MYLK: variants seen among roughly 807,000 people sequenced by gnomAD.
The protein encoded by MYLK is myosin light chain kinase.
A neutral mutation model predicts 203.4 loss-of-function variants in MYLK; 106 were observed. The observed-to-expected ratio is 0.52, with a 90% CI of 0.45 to 0.61. The LOEUF (loss-of-function observed/expected upper bound fraction) is 0.61, where lower values mean the gene tolerates loss of function less well. MYLK is among the 20% of genes least tolerant of loss of function. The pLI, the probability that MYLK is intolerant of heterozygous loss-of-function variation, is 0.00. For synonymous variants in MYLK, 867 were observed against 959.5 expected (o/e 0.90, Z 1.78); for missense variants, 2,072 against 2,442.3 (o/e 0.85, Z 3.20).
At chr3:123,649,322 G>T in intron 24 of MYLK, 128 bp from the exon 25 acceptor site, 1 of 1,213,954 alleles carries the variant, frequency 8.2e-7, no homozygotes. Flanking sequence ...CAGGTCCAGA[G>T]CTCTGGGCAT....
chr3:123,819,385 G>A (rs1380102704), intron 3 of MYLK, among the ~76,000 whole-genome samples: 1 of 152,128 alleles, frequency 6.6e-6, no homozygotes, highest in African/African-American at 2.4e-5. Context: ...GTCAACCTGT[G>A]GGGGTTGGAG....
chr3:123,721,481 C>T (rs1400416896), intron 13 of MYLK, among the ~76,000 whole-genome samples: 7 of 152,328 alleles, frequency 4.6e-5, no homozygotes, highest in East Asian at 3.9e-4. Context: ...CTGCAGTTCC[C>T]GGGGACTAAG....
chr3:123,650,242 C>A (rs2059162801), intron 24 of MYLK, among the ~76,000 whole-genome samples: 1 of 152,236 alleles, frequency 6.6e-6, no homozygotes, highest in Admixed American at 6.5e-5. Flanking sequence ...ATGTCTCTGG[C>A]CCTGGCTAGC....
intron 2 of MYLK, among the ~76,000 whole-genome samples, chr3:123,861,378 T>G (rs2031903997): frequency 6.6e-6 from 1 of 152,240 alleles, no homozygotes; most frequent in African/African-American, 2.4e-5. Context: ...ATCCCTCATC[T>G]TAAATACAGA....
intron 3 of MYLK, among the ~76,000 whole-genome samples, chr3:123,794,730 A>C (rs947051760): frequency 3.3e-5 from 5 of 152,056 alleles, no homozygotes; most frequent in African/African-American, 7.2e-5. Flanking sequence ...GCGATCGTCA[A>C]CTCTTTTGTG....
intron 5 of MYLK, among the ~76,000 whole-genome samples, chr3:123,742,000 C>A (rs1324817544): frequency 1.3e-5 from 2 of 152,192 alleles, no homozygotes; most frequent in African/African-American, 4.8e-5. Flanking sequence ...TAGTATCTGA[C>A]ACAAGGTCCC....
intron 27 of MYLK, among the ~76,000 whole-genome samples, chr3:123,641,951 C>A (rs2058852811): frequency 6.6e-6 from 1 of 151,802 alleles, no homozygotes; most frequent in Non-Finnish European, 1.5e-5. Flanking sequence ...AACTCCTGGG[C>A]TCAAGCGATC....
chr3:123,861,061 C>A (rs1236580975), intron 2 of MYLK, among the ~76,000 whole-genome samples: 1 of 150,730 alleles, frequency 6.6e-6, no homozygotes. Context: ...ACCCGGGAGG[C>A]GGAGCCTGCA....
rs892483732 is a variant in MYLK at position 123,752,666 on chromosome 3, T to C, written c.166-128A>G. ...TCATAACGCCCCCATTTCATCCTCA[T>C]TTTACAGATAAGGAAATCAAGGTAC... is the stretch of plus-strand genomic sequence containing the variant. On this transcript the variant is annotated intron_variant, in intron 4 of 33. Transcript: ENST00000360304. 2.2e-5 allele frequency: 21 copies of C among 970,152 alleles called. No homozygotes were observed. The African/African-American group carries it at 3.4e-4, about 16-fold the overall frequency. The allele number at this position is 970,152 out of a possible 1,614,324, so 60.1% of individuals were successfully genotyped here. A position where few individuals can be genotyped will look rare whatever the true frequency, so the allele number is the denominator to read the frequency against.
intron 23 of MYLK, among the ~76,000 whole-genome samples, chr3:123,662,995 C>A (rs141519787): frequency 1.3e-5 from 2 of 152,266 alleles, no homozygotes; most frequent in Non-Finnish European, 2.9e-5. Context: ...GGGTCTCGTG[C>A]ACATATCAAT....
At position 123,877,986 on chromosome 3, in the gene MYLK, G is replaced by A. The variant is rs528070788; in HGVS notation, c.-185-1369C>T. Among the ~76,000 whole-genome samples the A allele has an allele frequency of 3.3e-5, 5 of 152,296 alleles. No homozygotes were observed. In the South Asian group the frequency reaches 8.3e-4, roughly 25 times the overall value. ...ACTGAAGAAGTGAGGTGAATGAGTG[G>A]AAAGTGCCTTCTCATGGAGTGGCAC... On this transcript the variant is annotated intron_variant, in intron 1 of 33. Transcript: ENST00000360304.
At chr3:123,684,581 C>T (rs1367760720) in intron 19 of MYLK, among the ~76,000 whole-genome samples, 1 of 150,644 alleles carries the variant, frequency 6.6e-6, no homozygotes, top group South Asian at 2.2e-4. Flanking sequence ...GAATCTCACT[C>T]TGTCACCCAG....
At chr3:123,870,301 G>A (rs1051281675) in intron 2 of MYLK, among the ~76,000 whole-genome samples, 2 of 152,242 alleles carry the variant, frequency 1.3e-5, no homozygotes, top group Non-Finnish European at 2.9e-5. Flanking sequence ...TGCAGTGACA[G>A]CACTTGAGCC....
At chr3:123,777,784 C>T (rs1304035338) in intron 4 of MYLK, among the ~76,000 whole-genome samples, 1 of 152,174 alleles carries the variant, frequency 6.6e-6, no homozygotes, top group Non-Finnish European at 1.5e-5. Flanking sequence ...TCTCCTGCCA[C>T]CTCTAGCATC....
rs374090115 is a variant in MYLK, at chr3:123,877,432, G to A, written c.-185-815C>T. Among the ~76,000 whole-genome samples, 150 of 152,282 alleles carry A rather than the reference G, an allele frequency of 9.9e-4. 5 individuals are homozygous for A. In the South Asian group the frequency reaches 0.024, roughly 25 times the overall value. On this transcript the variant is annotated intron_variant, in intron 1 of 33. Transcript: ENST00000360304. ...TAATACTCCAAGTGTGAGCTAGTAC[G>A]GTCTGGTCAGGAAAAAATAGTAATA...
At chr3:123,757,204 CA>C (rs1226024992) in intron 4 of MYLK, among the ~76,000 whole-genome samples, 1 of 152,198 alleles carries the variant, frequency 6.6e-6, no homozygotes, top group Admixed American at 6.5e-5. Flanking sequence ...TAACATATAT[CA>C]AGGGCTTTCA....
rs117441710 is a variant in MYLK at position 123,684,198 on chromosome 3, G to T, written c.3566-1888C>A. Reference sequence around the variant, plus strand: ...TGTATGTTAGAAGCACGTGTGCCAGGGTATCACACCCCACAGGTCCTGGTT... The same window carrying T: ...TGTATGTTAGAAGCACGTGTGCCAGTGTATCACACCCCACAGGTCCTGGTT... On this transcript the variant is annotated intron_variant, in intron 19 of 33. Transcript: ENST00000360304. Among the ~76,000 whole-genome samples the T allele has an allele frequency of 7.8e-3, 1,188 of 152,250 alleles. 40 individuals are homozygous for T. The highest frequency in any genetic ancestry group is 0.066 in the Admixed American group (1,013 of 15,288).
intron 2 of MYLK, among the ~76,000 whole-genome samples, chr3:123,867,025 A>G (rs1297768779): frequency 6.6e-6 from 1 of 152,086 alleles, no homozygotes; most frequent in African/African-American, 2.4e-5. Flanking sequence ...CTATGGCTGC[A>G]TCATCCCAGC....
intron 5 of MYLK, among the ~76,000 whole-genome samples, chr3:123,748,991 C>A (rs903289792): frequency 6.6e-6 from 1 of 152,092 alleles, no homozygotes; most frequent in Non-Finnish European, 1.5e-5. Context: ...ATTGTTTGAA[C>A]CCAGGAGGCA....
Sources: gnomAD v4.1 joint callset for allele counts (sites outside exome capture counted in the v4.1 genomes callset) on GRCh38, gnomAD v4.1.1 for gene constraint, MANE v1.5 for transcripts, NCBI Gene and HGNC (gene_info 2026-07-23, HGNC 2026-07-21) for gene names.